Variants in RPS6KA5 observed in about 807,000 individuals in gnomAD.
RPS6KA5 encodes the protein ribosomal protein S6 kinase alpha-5.
In RPS6KA5, 27 loss-of-function variants were observed where a neutral mutation model predicts 85.5. The ratio of observed to expected loss-of-function variants is 0.32; its 90% CI spans 0.23 to 0.44. RPS6KA5 has a LOEUF of 0.44. Ranked by LOEUF, RPS6KA5 falls within the 20% of genes least tolerant of loss-of-function variation. RPS6KA5 has a pLI of 1.00. For missense variants in RPS6KA5, 811 were observed against 980.9 expected (o/e 0.83, Z 2.31); for synonymous variants, 334 against 348.2 (o/e 0.96, Z 0.46).
intron 14 of RPS6KA5, among the ~76,000 whole-genome samples, chr14:90,888,494 T>G (rs964566032): frequency 4.6e-5 from 7 of 152,230 alleles, no homozygotes; most frequent in Admixed American, 1.3e-4. Context: ...TTTAAAATGT[T>G]ATTCACAAAT....
At chr14:90,933,332 TCTC>T (rs987284411) in intron 5 of RPS6KA5, among the ~76,000 whole-genome samples, 3 of 152,082 alleles carry the variant, frequency 2.0e-5, no homozygotes, top group African/African-American at 4.8e-5. Flanking sequence ...CAGCTGAACT[TCTC>T]CTCTTGTAAC....
At position 91,030,611 on chromosome 14, in the gene RPS6KA5, G is replaced by GAAAAAAA. The variant is rs58737573; in HGVS notation, c.104-29459_104-29453dup. 2.3e-3 allele frequency among the ~76,000 whole-genome samples: 50 copies of GAAAAAAA among 22,074 alleles called. 2 individuals are homozygous for GAAAAAAA. Among genetic ancestry groups the GAAAAAAA allele is most frequent in the South Asian group, 7.5e-3 (3 of 402 alleles). 14.5% of individuals were successfully genotyped at this position (22,074 alleles called of 152,430 possible). A position where few individuals can be genotyped will look rare whatever the true frequency, so the allele number is the denominator to read the frequency against. Reference sequence around the variant, plus strand: ...AACATGCAAGACACCAAAATAAACAGAAAAAAAAAAAAAAAAAAAAAAAAA... The same window carrying GAAAAAAA: ...AACATGCAAGACACCAAAATAAACAGAAAAAAAAAAAAAAAAAAAAAAAAAAAAAAAA... On this transcript the variant is annotated intron_variant, in intron 1 of 16. Coordinates refer to ENST00000614987, the MANE Select transcript of RPS6KA5 (RefSeq NM_004755.4).
chr14:91,036,960 A>T (rs1431275689), intron 1 of RPS6KA5, among the ~76,000 whole-genome samples: 1 of 152,210 alleles, frequency 6.6e-6, no homozygotes, highest in Non-Finnish European at 1.5e-5. Context: ...CACTGTTGGG[A>T]TAACATGAGT....
At chr14:90,927,916 T>C (rs1326430334) in intron 5 of RPS6KA5, among the ~76,000 whole-genome samples, 3 of 128,174 alleles carry the variant, frequency 2.3e-5, no homozygotes, top group Non-Finnish European at 3.2e-5. Context: ...ATGTCTTTTT[T>C]CTCTTTCTTT....
rs537994319 is a variant in RPS6KA5 at position 91,054,848 on chromosome 14, A to C, written c.103+5484T>G. Among the ~76,000 whole-genome samples the C allele has an allele frequency of 5.3e-5, 8 of 152,180 alleles. 1 individual carries two copies. Among genetic ancestry groups the C allele is most frequent in the Admixed American group, 5.2e-4 (8 of 15,296 alleles). On this transcript the variant is annotated intron_variant, in intron 1 of 16. Coordinates refer to ENST00000614987, the MANE Select transcript of RPS6KA5 (RefSeq NM_004755.4). ...TTTTGTGCTCCTAAGGAAACCATCA[A>C]AAAAGTGAAAAGACAGCTCATTTAT...
At chr14:91,013,430 T>C (rs1471386582) in intron 1 of RPS6KA5, among the ~76,000 whole-genome samples, 5 of 151,942 alleles carry the variant, frequency 3.3e-5, no homozygotes, top group East Asian at 1.9e-4. Context: ...ATCTGAAGGT[T>C]TGGAGAAGTT....
Position 90,873,751 on chromosome 14 carries a change from A to G in RPS6KA5, c.2041T>C (p.Leu681=), listed in dbSNP as rs757302417. 1.4e-5 allele frequency: 22 copies of G among 1,614,010 alleles called. No individual in the cohort carries two copies. The highest frequency in any genetic ancestry group is 1.7e-5 in the Non-Finnish European group (20 of 1,179,984). ...DPNKRLKMSG[L]RYNEWLQDGS... Reference sequence around the variant, plus strand: ...TCTTGTAGCCATTCATTGTACCTCAAGCCAGACATTTTAAGCCTTTTGTTT... The same window carrying G: ...TCTTGTAGCCATTCATTGTACCTCAGGCCAGACATTTTAAGCCTTTTGTTT... Residue 681 remains leucine (L), a synonymous_variant, in exon 16 of 17, where the codon TTG becomes CTG. Transcript: ENST00000614987.
chr14:91,035,881 A>T (rs1462541183), intron 1 of RPS6KA5, among the ~76,000 whole-genome samples: 1 of 131,636 alleles, frequency 7.6e-6, no homozygotes, highest in Non-Finnish European at 1.6e-5. Flanking sequence ...AAAAAAAAAA[A>T]CCCCAAAGCT....
Position 90,866,061 on chromosome 14 carries a change from T to A in RPS6KA5, c.*6013A>T, listed in dbSNP as rs182654421. 1 of 124,102 alleles carries A rather than the reference T, an allele frequency of 8.1e-6. No homozygotes were observed. The highest frequency in any genetic ancestry group is 2.3e-4 in the East Asian group (1 of 4,438). 7.7% of individuals were successfully genotyped at this position (124,102 alleles called of 1,614,324 possible). A position where few individuals can be genotyped will look rare whatever the true frequency, so the allele number is the denominator to read the frequency against. On this transcript the variant is annotated 3_prime_UTR_variant, in exon 17 of 17. Coordinates refer to ENST00000614987, the MANE Select transcript of RPS6KA5 (RefSeq NM_004755.4). ...ATAAATGTAGGTCCACATGCAGATA[T>A]CTTAATAAGTAGTGAAATACCAGTG...
chr14:91,015,354 A>C (rs1437445126), intron 1 of RPS6KA5, among the ~76,000 whole-genome samples: 1 of 152,182 alleles, frequency 6.6e-6, no homozygotes, highest in Non-Finnish European at 1.5e-5. Context: ...TGCAAGCAAA[A>C]ATTTGATAAC....
At chr14:90,884,347 G>A (rs1054575485) in intron 14 of RPS6KA5, among the ~76,000 whole-genome samples, 9 of 152,056 alleles carry the variant, frequency 5.9e-5, no homozygotes, top group Admixed American at 1.3e-4. Flanking sequence ...CTTTCTGAGC[G>A]CCAACATGCT....
intron 1 of RPS6KA5, among the ~76,000 whole-genome samples, chr14:91,034,861 A>G (rs1431546066): frequency 6.6e-6 from 1 of 152,182 alleles, no homozygotes; most frequent in Non-Finnish European, 1.5e-5. Flanking sequence ...ACATTCATTA[A>G]GTGTTCCTCT....
At chr14:90,895,482 C>A (rs1007913850) in intron 12 of RPS6KA5, among the ~76,000 whole-genome samples, 3 of 152,162 alleles carry the variant, frequency 2.0e-5, no homozygotes, top group African/African-American at 7.2e-5. Context: ...TGGGTTTTTG[C>A]TTTAATCCCA....
intron 3 of RPS6KA5, among the ~76,000 whole-genome samples, chr14:90,960,163 G>A (rs923162706): frequency 6.6e-6 from 1 of 152,070 alleles, no homozygotes; most frequent in African/African-American, 2.4e-5. Flanking sequence ...CGGAGCAAGG[G>A]ATTTTCATTT....
Position 90,854,579 on chromosome 14 carries a change from A to C in RPS6KA5, c.*17495T>G, listed in dbSNP as rs144463565. ...TCTGACATCAGAAAGCCAACACTAG[A>C]TTCCACAGCAAGGACACTGGAATTT... is the stretch of plus-strand genomic sequence containing the variant. On this transcript the variant is annotated 3_prime_UTR_variant, in exon 17 of 17. Transcript: ENST00000614987. 434 of 152,310 alleles carry C rather than the reference A, an allele frequency of 2.8e-3. 4 individuals carry two copies. The highest frequency in any genetic ancestry group is 0.01 in the African/African-American group (420 of 41,582). The allele number at this position is 152,310 out of a possible 1,614,324, so 9.4% of individuals were successfully genotyped here.
At chr14:90,950,938 C>T (rs1379479239) in intron 3 of RPS6KA5, among the ~76,000 whole-genome samples, 2 of 150,946 alleles carry the variant, frequency 1.3e-5, no homozygotes, top group African/African-American at 2.4e-5. Flanking sequence ...CTGGCCAACA[C>T]GGTGAAACCC....
At position 90,873,642 on chromosome 14, in the gene RPS6KA5, G is replaced by A. The variant is rs746888024; in HGVS notation, c.2150C>T (p.Ala717Val). The change falls in exon 16 of 17, where the codon GCA (alanine) becomes GTA (valine). Residue 717 changes from alanine (A) to valine (V), a missense_variant. Physicochemically the swap from Ala to Val is moderately conservative, Grantham distance 64. This residue lies in a region of RPS6KA5 where 650 missense variants were observed against 793.4 expected (regional missense o/e 0.82). Transcript: ENST00000614987. Reference protein sequence around the residue: ...SGAAVHTCVKATFHAFNKYKR... With the variant: ...SGAAVHTCVKVTFHAFNKYKR... ...AGCACAGGGCCTTACGTGGAAGGTT[G>A]CTTTCACACAGGTATGCACGGCAGC... 2.5e-6 allele frequency: 4 copies of A among 1,613,890 alleles called. No homozygotes were observed. The Admixed American group carries it at 5.0e-5, about 20-fold the overall frequency.
intron 2 of RPS6KA5, among the ~76,000 whole-genome samples, chr14:90,993,439 C>CA (rs896929573): frequency 7.3e-5 from 11 of 151,202 alleles, no homozygotes; most frequent in African/African-American, 2.0e-4. Context: ...GACTCCGTCT[C>CA]AAAAAAAACA....
At chr14:90,902,737 A>G (rs1408302232) in intron 9 of RPS6KA5, 71 bp downstream of exon 9, 2 of 1,416,276 alleles carry the variant, frequency 1.4e-6, no homozygotes, top group Non-Finnish European at 9.6e-7. Flanking sequence ...AACTACTTCA[A>G]TATGGGAAAT....
Sources: gnomAD v4.1 joint callset for allele counts (sites outside exome capture counted in the v4.1 genomes callset) on GRCh38, gnomAD v4.1.1 for gene constraint, gnomAD v4.1.1 regional missense constraint, MANE v1.5 for transcripts, NCBI Gene and HGNC (gene_info 2026-07-23, HGNC 2026-07-21) for gene names.